Variants in CCDC91 observed in about 807,000 individuals in gnomAD.
The protein encoded by CCDC91 is coiled-coil domain-containing protein 91.
Under a neutral mutation model 63.2 loss-of-function variants are expected in CCDC91, and 48 were observed. The observed-to-expected ratio is 0.76, with a 90% CI of 0.60 to 0.97. The LOEUF is 0.97. Ranked by LOEUF, CCDC91 falls within the 50% of genes least tolerant of loss-of-function variation. CCDC91 has a pLI of 0.00. For synonymous variants in CCDC91, 167 were observed against 165.8 expected (o/e 1.01, Z -0.06); for missense variants, 500 against 494.6 (o/e 1.01, Z -0.10).
At chr12:28,501,233 C>A (rs1351648133) in intron 12 of CCDC91, among the ~76,000 whole-genome samples, 1 of 151,912 alleles carries the variant, frequency 6.6e-6, no homozygotes, top group Non-Finnish European at 1.5e-5. Context: ...GCCAGAACTT[C>A]CAACACTATG....
chr12:28,293,472 T>C (rs975758874), intron 3 of CCDC91, among the ~76,000 whole-genome samples: 5 of 152,236 alleles, frequency 3.3e-5, no homozygotes, highest in African/African-American at 9.6e-5. Context: ...TAGGATATAG[T>C]TAAGAGCTTA....
intron 12 of CCDC91, among the ~76,000 whole-genome samples, chr12:28,523,675 G>T (rs958251841): frequency 3.3e-5 from 5 of 152,108 alleles, no homozygotes; most frequent in Non-Finnish European, 7.4e-5. Context: ...AGCATCGATG[G>T]TCTTTACAAT....
At chr12:28,484,368 CA>C in intron 12 of CCDC91, 5 of 321,112 alleles carry the variant, frequency 1.6e-5, no homozygotes. Context: ...GCAAAAACAA[CA>C]GTGAATAATT....
chr12:28,500,642 T>G (rs1300233531), intron 12 of CCDC91, among the ~76,000 whole-genome samples: 1 of 151,770 alleles, frequency 6.6e-6, no homozygotes, highest in East Asian at 1.9e-4. Context: ...TTACCAAGTT[T>G]TGAGTCTAAT....
intron 1 of CCDC91, among the ~76,000 whole-genome samples, chr12:28,214,613 C>A (rs1426869128): frequency 6.6e-6 from 1 of 151,948 alleles, no homozygotes; most frequent in East Asian, 1.9e-4. Flanking sequence ...TTTCTGTCCT[C>A]TTTTATTCCC....
At chr12:28,527,013 G>A (rs2141551129) in intron 12 of CCDC91, among the ~76,000 whole-genome samples, 1 of 151,970 alleles carries the variant, frequency 6.6e-6, no homozygotes, top group Non-Finnish European at 1.5e-5. Flanking sequence ...TTCACTTCTT[G>A]TATTATATTT....
At chr12:28,426,615 C>T (rs1948332113) in intron 8 of CCDC91, among the ~76,000 whole-genome samples, 1 of 152,086 alleles carries the variant, frequency 6.6e-6, no homozygotes, top group Non-Finnish European at 1.5e-5. Context: ...ATGAGCCCAT[C>T]AAAGGCATTC....
At chr12:28,426,850 C>T (rs1948345432) in intron 8 of CCDC91, among the ~76,000 whole-genome samples, 1 of 152,124 alleles carries the variant, frequency 6.6e-6, no homozygotes, top group Non-Finnish European at 1.5e-5. Context: ...AGCCTTTTAG[C>T]ATGTCTTATA....
intron 6 of CCDC91, among the ~76,000 whole-genome samples, chr12:28,349,758 C>G (rs1425552028): frequency 2.0e-5 from 3 of 152,132 alleles, no homozygotes; most frequent in African/African-American, 7.2e-5. Context: ...CTCTGGTACT[C>G]CTGCCCTCAT....
At chr12:28,368,568 T>C (rs1354828510) in intron 7 of CCDC91, among the ~76,000 whole-genome samples, 3 of 152,204 alleles carry the variant, frequency 2.0e-5, no homozygotes, top group Non-Finnish European at 2.9e-5. Context: ...CTAAATATTA[T>C]TGTTGAATTG....
chr12:28,524,256 G>T (rs536369063), intron 12 of CCDC91, among the ~76,000 whole-genome samples: 1 of 152,134 alleles, frequency 6.6e-6, no homozygotes, highest in Non-Finnish European at 1.5e-5. Context: ...GTTGGCTGTG[G>T]GTTTGTCATA....
intron 8 of CCDC91, among the ~76,000 whole-genome samples, chr12:28,410,574 T>A (rs1592591130): frequency 6.6e-6 from 1 of 152,150 alleles, no homozygotes; most frequent in African/African-American, 2.4e-5. Flanking sequence ...CAGGCTGGAG[T>A]GCAGTGGCAT....
At chr12:28,487,807 G>T (rs1173055852) in intron 12 of CCDC91, among the ~76,000 whole-genome samples, 1 of 151,748 alleles carries the variant, frequency 6.6e-6, no homozygotes, top group Non-Finnish European at 1.5e-5. Context: ...AAGTCTACTT[G>T]TATTAGGTCC....
At chr12:28,478,823 A>C (rs1275607164) in intron 11 of CCDC91, among the ~76,000 whole-genome samples, 1 of 152,226 alleles carries the variant, frequency 6.6e-6, no homozygotes, top group African/African-American at 2.4e-5. Flanking sequence ...GACAGTTCTC[A>C]AAATAAGGCA....
At chr12:28,438,758 G>C (rs1279918817) in intron 8 of CCDC91, among the ~76,000 whole-genome samples, 1 of 151,954 alleles carries the variant, frequency 6.6e-6, no homozygotes, top group Non-Finnish European at 1.5e-5. Context: ...AACTTAGGAT[G>C]CATTTTCAAT....
intron 11 of CCDC91, among the ~76,000 whole-genome samples, chr12:28,456,903 CAAAT>C (rs2140406720): frequency 6.6e-6 from 1 of 151,982 alleles, no homozygotes; most frequent in South Asian, 2.1e-4. Flanking sequence ...TATTTAAAGC[CAAAT>C]AAATAAAAAG....
chr12:28,470,440 G>A (rs1299503458), intron 11 of CCDC91, among the ~76,000 whole-genome samples: 1 of 152,032 alleles, frequency 6.6e-6, no homozygotes, highest in Non-Finnish European at 1.5e-5. Flanking sequence ...AAGAACAAAT[G>A]CCTGGCAAGG....
chr12:28,503,475 A>C (rs1482490614), intron 12 of CCDC91, among the ~76,000 whole-genome samples: 9 of 152,184 alleles, frequency 5.9e-5, no homozygotes, highest in Admixed American at 2.0e-4. Context: ...GAACACTTTT[A>C]CACTGTTGGT....
At chr12:28,532,670 G>A (rs1941838521) in intron 12 of CCDC91, among the ~76,000 whole-genome samples, 1 of 151,996 alleles carries the variant, frequency 6.6e-6, no homozygotes. Flanking sequence ...GAGTTATTAT[G>A]TCAACAAGCA....
Sources: allele counts gnomAD v4.1 joint callset (sites outside exome capture counted in the v4.1 genomes callset), GRCh38; gene constraint gnomAD v4.1.1; transcripts MANE v1.5; gene names NCBI Gene and HGNC (gene_info 2026-07-23, HGNC 2026-07-21).